The following DLC1 variants were observed in gnomAD, a reference collection of about 807,000 sequenced individuals.
DLC1 encodes the protein DLC1 Rho GTPase activating protein, also known as rho GTPase-activating protein 7.
A neutral mutation model predicts 140.3 loss-of-function variants in DLC1; 54 were observed. That is an observed-to-expected ratio of 0.38 (90% CI 0.31 to 0.48). DLC1 has a LOEUF of 0.48. Among genes scored for constraint, DLC1 ranks in the 20% least tolerant of loss-of-function variants. The probability of loss-of-function intolerance (pLI) is 0.96; values close to 1 mark genes in which losing one functional copy is unlikely to be tolerated. For missense variants in DLC1, 2,536 were observed against 1,907.0 expected (o/e 1.33, Z -6.14); for synonymous variants, 986 against 728.1 (o/e 1.35, Z -5.70).
rs557326280 is a variant in DLC1 at position 13,111,275 on chromosome 8, T to G, written c.1421-452A>C. Among the ~76,000 whole-genome samples the G allele has an allele frequency of 8.2e-4, 124 of 152,130 alleles. 1 individual carries two copies. Among genetic ancestry groups the G allele is most frequent in the Middle Eastern group, 3.4e-3 (1 of 294 alleles). On this transcript the variant is annotated intron_variant, in intron 6 of 17. Coordinates refer to ENST00000276297, the MANE Select transcript of DLC1 (RefSeq NM_182643.3). ...AGCCACAGAAAGATCTAGAGAACAA[T>G]GAAAAGTGGTAGGAAATGGAATGTA...
intron 5 of DLC1, among the ~76,000 whole-genome samples, chr8:13,163,852 C>G (rs12677288): frequency 0.54 from 82,033 of 151,774 alleles, 22,760 homozygotes; most frequent in East Asian, 0.85. Context: ...CAGAATAACC[C>G]CAAAATTAGC....
At chr8:13,570,384 C>T (rs1473946097) in intron 1 of DLC1, among the ~76,000 whole-genome samples, 3 of 148,278 alleles carry the variant, frequency 2.0e-5, no homozygotes, top group Non-Finnish European at 4.5e-5. Context: ...CATGCTGGTG[C>T]GCTGCACCCA....
chr8:13,184,590 T>G (rs1826237848), intron 5 of DLC1, among the ~76,000 whole-genome samples: 1 of 152,210 alleles, frequency 6.6e-6, no homozygotes, highest in Non-Finnish European at 1.5e-5. Context: ...TTGTTCAGTT[T>G]CCATGTAGTT....
At chr8:13,492,158 T>G (rs1801278656) in intron 2 of DLC1, among the ~76,000 whole-genome samples, 1 of 152,268 alleles carries the variant, frequency 6.6e-6, no homozygotes, top group Admixed American at 6.5e-5. Flanking sequence ...GTAAAACATT[T>G]GAGGATCTTG....
In DLC1 at chr8:13,549,356, A is replaced by T. The variant is rs183811455; in HGVS notation, c.-125-49160T>A. Reference sequence around the variant, plus strand: ...CTTTAGGAGCTCATTATCCCAAGGAAAACTACAAGCTGTATTAGAAAGCAC... The same window carrying T: ...CTTTAGGAGCTCATTATCCCAAGGATAACTACAAGCTGTATTAGAAAGCAC... On this transcript the variant is annotated intron_variant, in intron 1 of 1. Coordinates refer to the DLC1 transcript ENST00000631382. 1.3e-5 allele frequency among the ~76,000 whole-genome samples: 2 copies of T among 152,278 alleles called. 1 individual carries two copies. The highest frequency in any genetic ancestry group is 2.9e-5 in the Non-Finnish European group (2 of 68,004).
At chr8:13,195,670 CA>C (rs1373641168) in intron 5 of DLC1, among the ~76,000 whole-genome samples, 1 of 152,120 alleles carries the variant, frequency 6.6e-6, no homozygotes, top group East Asian at 1.9e-4. Flanking sequence ...CATACAAAAA[CA>C]GATTTCAGAT....
At chr8:13,535,672 A>AAG (rs1803252569) in intron 1 of DLC1, among the ~76,000 whole-genome samples, 2 of 148,220 alleles carry the variant, frequency 1.3e-5, no homozygotes, top group Admixed American at 1.3e-4. Flanking sequence ...TGCTCATTAA[A>AAG]AAAAAAAAAA....
chr8:13,143,759 T>C (rs1022904053), intron 5 of DLC1, among the ~76,000 whole-genome samples: 3 of 150,304 alleles, frequency 2.0e-5, no homozygotes, highest in African/African-American at 7.4e-5. Flanking sequence ...TTGGCTACAA[T>C]GTAAGAAGTT....
At chr8:13,166,338 C>T (rs901417480) in intron 5 of DLC1, among the ~76,000 whole-genome samples, 7 of 152,028 alleles carry the variant, frequency 4.6e-5, no homozygotes, top group Admixed American at 6.6e-5. Context: ...TTTTCTTTCT[C>T]TCATTTATTT....
intron 7 of DLC1, among the ~76,000 whole-genome samples, chr8:13,104,434 G>A (rs367581691): frequency 6.6e-6 from 1 of 151,358 alleles, no homozygotes; most frequent in African/African-American, 2.4e-5. Context: ...GAACTAAACG[G>A]TATGTACAAC....
chr8:13,228,292 TAAA>T (rs1233874177), intron 5 of DLC1, among the ~76,000 whole-genome samples: 1 of 108,320 alleles, frequency 9.2e-6, no homozygotes, highest in Admixed American at 9.3e-5. Context: ...TTCCCATTCA[TAAA>T]AAAAAAAAAA....
chr8:13,474,996 T>C (rs1041177550), intron 2 of DLC1, among the ~76,000 whole-genome samples: 7 of 152,160 alleles, frequency 4.6e-5, no homozygotes, highest in African/African-American at 2.4e-5. Context: ...TTGTGGTTGT[T>C]GAGAAAGAGT....
chr8:13,355,676 G>T (rs1729157), intron 4 of DLC1, among the ~76,000 whole-genome samples: 1 of 152,286 alleles, frequency 6.6e-6, no homozygotes, highest in African/African-American at 2.4e-5. Flanking sequence ...CAAGGACCCA[G>T]TTCATTCCAT....
Position 13,410,241 on chromosome 8 carries a change from T to C in DLC1, c.1024-8622A>G, listed in dbSNP as rs181214318. On this transcript the variant is annotated intron_variant, in intron 2 of 17. Transcript: ENST00000276297. ...GACTTAGAAGGCAATGCTCTTCACC[T>C]GATTATGAGTCTAAGACACTTAAAG... Among the ~76,000 whole-genome samples, 3 of 152,260 alleles carry C rather than the reference T, an allele frequency of 2.0e-5. No individual in the cohort carries two copies. The East Asian group carries it at 5.8e-4, about 29-fold the overall frequency.
chr8:13,567,074 C>G (rs13273355), intron 1 of DLC1: 1 of 1,551,632 alleles, frequency 6.4e-7, no homozygotes, highest in South Asian at 1.2e-5. Flanking sequence ...TTGAAGAACT[C>G]TACTGATGAG....
At chr8:13,241,587 C>G (rs1423130190) in intron 5 of DLC1, among the ~76,000 whole-genome samples, 1 of 152,150 alleles carries the variant, frequency 6.6e-6, no homozygotes, top group Non-Finnish European at 1.5e-5. Flanking sequence ...GTATGAAAAG[C>G]CTTTCCTTTC....
At chr8:13,205,034 G>A (rs558962009) in intron 5 of DLC1, among the ~76,000 whole-genome samples, 28 of 152,014 alleles carry the variant, frequency 1.8e-4, no homozygotes, top group Admixed American at 7.2e-4. Flanking sequence ...ATGGCATTTT[G>A]CAATCCCATG....
Position 13,546,304 on chromosome 8 carries a change from G to C in DLC1, c.-125-46108C>G, listed in dbSNP as rs150484170. ...GCATTAAAAATAGACCAAGATTTCGGTAATTTGTTTTCTTTTAATCAGTTG... is the reference window on the plus strand; with the variant it reads ...GCATTAAAAATAGACCAAGATTTCGCTAATTTGTTTTCTTTTAATCAGTTG... On this transcript the variant is annotated intron_variant, in intron 1 of 1. Coordinates refer to the DLC1 transcript ENST00000631382. Among the ~76,000 whole-genome samples the C allele has an allele frequency of 3.8e-3, 577 of 152,052 alleles. 2 individuals are homozygous for C. The highest frequency in any genetic ancestry group is 5.9e-3 in the Admixed American group (90 of 15,258).
intron 5 of DLC1, among the ~76,000 whole-genome samples, chr8:13,290,284 C>T (rs1398959317): frequency 6.6e-6 from 1 of 152,058 alleles, no homozygotes; most frequent in East Asian, 1.9e-4. Context: ...CAGTGGTCTT[C>T]AAACTTAGTG....
Sources: gnomAD v4.1 joint callset for allele counts (sites outside exome capture counted in the v4.1 genomes callset) on GRCh38, gnomAD v4.1.1 for gene constraint, MANE v1.5 for transcripts, NCBI Gene and HGNC (gene_info 2026-07-23, HGNC 2026-07-21) for gene names.